NR3C1: variants seen among roughly 807,000 people sequenced by gnomAD.
NR3C1 encodes glucocorticoid receptor.
A neutral mutation model predicts 74.0 loss-of-function variants in NR3C1; 14 were observed. The ratio of observed to expected loss-of-function variants is 0.19; its 90% CI spans 0.12 to 0.30. NR3C1 has a LOEUF of 0.30. Among genes scored for constraint, NR3C1 ranks in the 10% least tolerant of loss-of-function variants. The pLI, the probability that NR3C1 is intolerant of heterozygous loss-of-function variation, is 1.00. For synonymous variants in NR3C1, 308 were observed against 332.5 expected (o/e 0.93, Z 0.80); for missense variants, 695 against 909.8 (o/e 0.76, Z 3.04).
At chr5:143,333,306 T>C in intron 2 of NR3C1, 1 of 713,058 alleles carries the variant, frequency 1.4e-6, no homozygotes, top group Non-Finnish European at 2.5e-6. Flanking sequence ...CTTGCCACTT[T>C]ACAAGTTCTT....
intron 1 of NR3C1, among the ~76,000 whole-genome samples, chr5:143,401,647 C>T (rs983661472): frequency 6.6e-6 from 1 of 152,038 alleles, no homozygotes; most frequent in Non-Finnish European, 1.5e-5. Flanking sequence ...TATAGCTGAC[C>T]CTTATCATAA....
At chr5:143,295,047 G>T in intron 7 of NR3C1, 1 of 985,340 alleles carries the variant, frequency 1.0e-6, no homozygotes, top group Non-Finnish European at 1.2e-6. Flanking sequence ...TCTAGGATGC[G>T]CCTTTTTCTC....
At chr5:143,421,673 T>C (rs905678151) in intron 1 of NR3C1, among the ~76,000 whole-genome samples, 1 of 151,834 alleles carries the variant, frequency 6.6e-6, no homozygotes, top group Non-Finnish European at 1.5e-5. Context: ...GTGCCTGTAA[T>C]TTCAGCCACT....
At position 143,399,870 on chromosome 5, in the gene NR3C1, C is replaced by G. The variant is rs903417584; in HGVS notation, c.970G>C (p.Val324Leu). The change falls in exon 2 of 9, where the codon GTG becomes CTG. Residue 324 changes from valine (V) to leucine (L), a missense_variant. Around this residue, in one of 4 missense-constraint regions of NR3C1, gnomAD observed 497 missense variants for 489.5 expected, o/e 1.02. Coordinates refer to ENST00000394464, the MANE Select transcript of NR3C1 (RefSeq NM_000176.3). ...NKMSAISVHGVSTSGGQMYHY... is the reference protein window; with the variant it reads ...NKMSAISVHGLSTSGGQMYHY... ...TACATCTGTCCTCCAGAGGTACTCA[C>G]ACCATGAACAGAAATGGCAGACATT... The G allele has an allele frequency of 1.9e-6, 3 of 1,614,180 alleles. No homozygotes were observed. The highest frequency in any genetic ancestry group is 2.5e-6 in the Non-Finnish European group (3 of 1,180,014).
At chr5:143,301,225 G>A (rs960460122) in intron 4 of NR3C1, among the ~76,000 whole-genome samples, 2 of 151,970 alleles carry the variant, frequency 1.3e-5, no homozygotes, top group Non-Finnish European at 2.9e-5. Context: ...TCTAAATCAT[G>A]GTAGTATATA....
intron 2 of NR3C1, among the ~76,000 whole-genome samples, chr5:143,344,476 G>A (rs773606017): frequency 1.3e-5 from 2 of 152,120 alleles, no homozygotes; most frequent in Non-Finnish European, 2.9e-5. Flanking sequence ...CTCAGAAAGG[G>A]TTGCTAACTT....
intron 2 of NR3C1, among the ~76,000 whole-genome samples, chr5:143,316,071 C>T (rs888751013): frequency 4.6e-5 from 7 of 152,214 alleles, no homozygotes; most frequent in East Asian, 1.9e-4. Flanking sequence ...ACTGACTACA[C>T]GTCGAAAGCC....
chr5:143,423,833 T>G (rs1344038388), intron 1 of NR3C1, among the ~76,000 whole-genome samples: 1 of 152,020 alleles, frequency 6.6e-6, no homozygotes, highest in African/African-American at 2.4e-5. Flanking sequence ...GAGGACATTA[T>G]GCAAGAGAAA....
chr5:143,435,260 T>A (rs1752053014), exon 1 of NR3C1: 1 of 985,360 alleles, frequency 1.0e-6, no homozygotes. Context: ...GTTGGACACA[T>A]GCGCATTTTA....
At chr5:143,308,033 C>T (rs763979873) in intron 4 of NR3C1, among the ~76,000 whole-genome samples, 9 of 152,124 alleles carry the variant, frequency 5.9e-5, no homozygotes, top group African/African-American at 9.7e-5. Context: ...CCTGGTCAAA[C>T]GTAGATAGAG....
intron 3 of NR3C1, 48 bp from the exon 4 acceptor site, chr5:143,310,261 T>C (rs779222780): frequency 1.7e-5 from 22 of 1,300,062 alleles, no homozygotes; most frequent in Non-Finnish European, 3.3e-6. Context: ...TCTTCAAACA[T>C]ATTTTATAAG....
rs2151602401 is a variant in NR3C1, at chr5:143,310,175, T to A, written c.1390A>T (p.Ile464Phe). ...TTTTTTCTTCGAATTTTATCGATGA[T>A]GCAATCATTCCTTCCAGCACATAGG... ...NYLCAGRNDC[I>F]IDKIRRKNCP... The change falls in exon 4 of 9, where the codon ATC becomes TTC. Residue 464 changes from isoleucine (I) to phenylalanine (F), a missense_variant. Ile to Phe is a conservative substitution (Grantham distance 21). Around this residue, in one of 4 missense-constraint regions of NR3C1, gnomAD observed 23 missense variants for 83.1 expected, o/e 0.28. Transcript: ENST00000394464. The A allele has an allele frequency of 6.2e-7, 1 of 1,613,976 alleles. No homozygotes were observed. The highest frequency in any genetic ancestry group is 2.2e-5 in the East Asian group (1 of 44,864).
In NR3C1 at chr5:143,331,898, A is replaced by G. The variant is rs571518862; in HGVS notation, c.1185-17730T>C. 2.6e-5 allele frequency among the ~76,000 whole-genome samples: 4 copies of G among 152,316 alleles called. No homozygotes were observed. In the East Asian group the frequency reaches 5.8e-4, roughly 22 times the overall value. ...CTGTGGCACAAAATTTGCCTATATA[A>G]CAAACCTGCACATGTACCTCTGAAC... On this transcript the variant is annotated intron_variant, in intron 2 of 8. Transcript: ENST00000394464.
At chr5:143,294,243 C>A (rs1816620812) in intron 7 of NR3C1, 1 of 984,932 alleles carries the variant, frequency 1.0e-6, no homozygotes, top group African/African-American at 1.7e-5. Flanking sequence ...ACCACAGTTA[C>A]TAATGGAATT....
At chr5:143,315,670 A>G (rs1821926936) in intron 2 of NR3C1, among the ~76,000 whole-genome samples, 1 of 152,214 alleles carries the variant, frequency 6.6e-6, no homozygotes, top group African/African-American at 2.4e-5. Context: ...TAATTCACAG[A>G]GCAAAGTAAC....
chr5:143,298,845 A>C (rs764330342), intron 5 of NR3C1, 33 bp from the exon 6 acceptor site: 5 of 1,605,658 alleles, frequency 3.1e-6, no homozygotes. Flanking sequence ...ATGAGGCAAC[A>C]CTCTTCAGAA....
At chr5:143,410,878 G>T (rs1162490403) in intron 1 of NR3C1, among the ~76,000 whole-genome samples, 8 of 152,142 alleles carry the variant, frequency 5.3e-5, no homozygotes, top group African/African-American at 1.9e-4. Context: ...TAATTCAGTA[G>T]TGCACCGGAA....
Position 143,420,520 on chromosome 5 carries a change from C to T in NR3C1, c.-14+14012G>A, listed in dbSNP as rs1205590473. 2.0e-5 allele frequency among the ~76,000 whole-genome samples: 3 copies of T among 152,132 alleles called. No homozygotes were observed. The East Asian group carries it at 5.8e-4, about 29-fold the overall frequency. On this transcript the variant is annotated intron_variant, in intron 1 of 8. Transcript: ENST00000343796. ...CGCAACAGGGGAGATCATAGACATG[C>T]TATTAATTATAATGGTTTTCCCTAG...
chr5:143,308,612 C>G (rs1373056136), intron 4 of NR3C1, among the ~76,000 whole-genome samples: 1 of 152,170 alleles, frequency 6.6e-6, no homozygotes, highest in African/African-American at 2.4e-5. Context: ...CAAATCTGAT[C>G]ATGTCTCTGC....
Sources: allele counts gnomAD v4.1 joint callset (sites outside exome capture counted in the v4.1 genomes callset), GRCh38; gene constraint gnomAD v4.1.1; regional missense constraint gnomAD v4.1.1; transcripts MANE v1.5; gene names NCBI Gene and HGNC (gene_info 2026-07-23, HGNC 2026-07-21).